RAB6B: variants seen among roughly 807,000 people sequenced by gnomAD.
The protein encoded by RAB6B is ras-related protein Rab-6B.
A neutral mutation model predicts 31.2 loss-of-function variants in RAB6B; 7 were observed. That is an observed-to-expected ratio of 0.22 (90% CI 0.13 to 0.42). The LOEUF (loss-of-function observed/expected upper bound fraction) is 0.42, where lower values mean the gene tolerates loss of function less well. Ranked by LOEUF, RAB6B falls within the 10% of genes least tolerant of loss-of-function variation. RAB6B has a pLI of 1.00. For missense variants in RAB6B, 149 were observed against 280.6 expected, an observed-to-expected ratio of 0.53 and a Z score of 3.35; for synonymous variants, 105 against 104.9, an observed-to-expected ratio of 1.00 and a Z score of -0.01.
rs1935850647 is a variant in RAB6B at position 133,842,534 on chromosome 3, G to T, written c.130-871C>A. 2.6e-5 allele frequency among the ~76,000 whole-genome samples: 4 copies of T among 152,296 alleles called. No homozygotes were observed. In the South Asian group the frequency reaches 8.3e-4, roughly 32 times the overall value. ...CACGGCACTAAATAAGCATAGTGTG[G>T]TATATCCATGTGATTAGAACCCTTG... On this transcript the variant is annotated intron_variant, in intron 2 of 7. Coordinates refer to ENST00000285208, the MANE Select transcript of RAB6B (RefSeq NM_016577.4).
intron 2 of RAB6B, among the ~76,000 whole-genome samples, chr3:133,856,779 C>A (rs1412108022): frequency 6.6e-6 from 1 of 152,068 alleles, no homozygotes; most frequent in Non-Finnish European, 1.5e-5. Context: ...TCTGCCGGGT[C>A]AATGTTCAGA....
intron 2 of RAB6B, among the ~76,000 whole-genome samples, chr3:133,843,627 T>C (rs1935867983): frequency 6.6e-6 from 1 of 152,232 alleles, no homozygotes; most frequent in Non-Finnish European, 1.5e-5. Flanking sequence ...GTAGTTTCCC[T>C]TTCTATAGTA....
rs115230302 is a variant in RAB6B at position 133,871,993 on chromosome 3, T to C, written c.71-7351A>G. Among the ~76,000 whole-genome samples the C allele has an allele frequency of 4.2e-3, 642 of 152,184 alleles. 5 individuals are homozygous for C. Among genetic ancestry groups the C allele is most frequent in the African/African-American group, 0.015 (611 of 41,522 alleles). ...GAGGAGAGGGCAGGCAGGACAGATGTGGCATAACTCACTGCCATTTCTAAG... is the reference window on the plus strand; with the variant it reads ...GAGGAGAGGGCAGGCAGGACAGATGCGGCATAACTCACTGCCATTTCTAAG... On this transcript the variant is annotated intron_variant, in intron 1 of 7. Coordinates refer to ENST00000285208, the MANE Select transcript of RAB6B (RefSeq NM_016577.4).
In RAB6B at chr3:133,830,685, C is replaced by T. The variant is rs78248941; in HGVS notation, c.563-1833G>A. Among the ~76,000 whole-genome samples the T allele has an allele frequency of 1.1e-3, 165 of 152,304 alleles. 3 individuals are homozygous for T. In the East Asian group the frequency reaches 0.029, roughly 27 times the overall value. Reference sequence around the variant, plus strand: ...CGTGCAGTGGGGAGTAAAAGAGCCACCTTCCAGCTGGGAAGCTGAGGTGCC... The same window carrying T: ...CGTGCAGTGGGGAGTAAAAGAGCCATCTTCCAGCTGGGAAGCTGAGGTGCC... On this transcript the variant is annotated intron_variant, in intron 7 of 7. Transcript: ENST00000285208.
intron 1 of RAB6B, among the ~76,000 whole-genome samples, chr3:133,876,228 A>G (rs1485930338): frequency 6.6e-6 from 1 of 152,174 alleles, no homozygotes; most frequent in African/African-American, 2.4e-5. Flanking sequence ...TGAGACTGAG[A>G]ATTCCCTCTG....
At chr3:133,843,801 GCTCCCTTTCC>G (rs1935869891) in intron 2 of RAB6B, among the ~76,000 whole-genome samples, 6 of 152,164 alleles carry the variant, frequency 3.9e-5, no homozygotes, top group African/African-American at 9.7e-5. Context: ...ACCCACAGCT[GCTCCCTTTCC>G]CACTGTCCGG....
intron 2 of RAB6B, among the ~76,000 whole-genome samples, chr3:133,860,489 G>A (rs1285640368): frequency 1.3e-5 from 2 of 152,192 alleles, no homozygotes; most frequent in African/African-American, 2.4e-5. Flanking sequence ...CTCCAGAACA[G>A]TAAGAAAATA....
At chr3:133,880,454 G>A (rs1383403449) in intron 1 of RAB6B, among the ~76,000 whole-genome samples, 1 of 152,188 alleles carries the variant, frequency 6.6e-6, no homozygotes, top group Non-Finnish European at 1.5e-5. Context: ...CTGTGGCCTC[G>A]CCATGAGACA....
Position 133,895,674 on chromosome 3 carries a change from G to T in RAB6B, c.-208C>A. The T allele has an allele frequency of 3.4e-6, 2 of 584,458 alleles. No homozygotes were observed. The highest frequency in any genetic ancestry group is 3.0e-6 in the Non-Finnish European group (1 of 333,956). 36.2% of individuals were successfully genotyped at this position (584,458 alleles called of 1,614,324 possible). A position where few individuals can be genotyped will look rare whatever the true frequency, so the allele number is the denominator to read the frequency against. On this transcript the variant is annotated 5_prime_UTR_variant, in exon 1 of 8. Transcript: ENST00000285208. ...CGGAGGAGGAGGAGGAGAGAGAGGC[G>T]GAGGCGGAGGAAGGCTGGGGCTGGG...
At chr3:133,862,710 T>TGGAG (rs1259751555) in intron 2 of RAB6B, among the ~76,000 whole-genome samples, 3 of 152,014 alleles carry the variant, frequency 2.0e-5, no homozygotes, top group African/African-American at 7.2e-5. Flanking sequence ...ACGCTGAACA[T>TGGAG]GGAGGTAGGG....
rs1935988173 is a variant in RAB6B at position 133,851,809 on chromosome 3, CTGA to C, written c.130-10149_130-10147del. Among the ~76,000 whole-genome samples, 5 of 152,318 alleles carry C rather than the reference CTGA, an allele frequency of 3.3e-5. No individual in the cohort carries two copies. In the South Asian group the frequency reaches 1.0e-3, roughly 32 times the overall value. ...TCACAGGAACTAATTTGCATCTTCT[CTGA>C]TGATAAATCATGGGCTTTGGGTGAT... On this transcript the variant is annotated intron_variant, in intron 2 of 7. Transcript: ENST00000285208.
At chr3:133,862,662 C>T (rs946071993) in intron 2 of RAB6B, among the ~76,000 whole-genome samples, 2 of 152,048 alleles carry the variant, frequency 1.3e-5, no homozygotes, top group African/African-American at 4.8e-5. Context: ...GTCGGCTGGA[C>T]CACAGGATGG....
At chr3:133,865,289 C>G (rs1936221755) in intron 1 of RAB6B, among the ~76,000 whole-genome samples, 1 of 152,248 alleles carries the variant, frequency 6.6e-6, no homozygotes, top group African/African-American at 2.4e-5. Flanking sequence ...CTCACTCACA[C>G]ATCTGCAAAT....
intron 7 of RAB6B, among the ~76,000 whole-genome samples, chr3:133,832,267 C>T (rs973546354): frequency 6.6e-6 from 1 of 152,070 alleles, no homozygotes; most frequent in African/African-American, 2.4e-5. Flanking sequence ...ATTTGGTGGC[C>T]CCTTGGCTCC....
At chr3:133,861,614 C>T (rs1177439477) in intron 2 of RAB6B, among the ~76,000 whole-genome samples, 2 of 152,238 alleles carry the variant, frequency 1.3e-5, no homozygotes, top group African/African-American at 4.8e-5. Context: ...GTCCTTCATG[C>T]CCTGGCTGAA....
chr3:133,852,556 G>A (rs1258156969), intron 2 of RAB6B, among the ~76,000 whole-genome samples: 6 of 149,298 alleles, frequency 4.0e-5, no homozygotes, highest in African/African-American at 2.5e-5. Context: ...CTGTAGCCTC[G>A]ACCTCCTTGG....
chr3:133,862,141 A>T (rs2108002367), intron 2 of RAB6B, among the ~76,000 whole-genome samples: 1 of 152,110 alleles, frequency 6.6e-6, no homozygotes, highest in African/African-American at 2.4e-5. Flanking sequence ...AAAAAAAAAA[A>T]AAGAGAAAGC....
At chr3:133,890,638 G>A (rs1051099052) in intron 1 of RAB6B, among the ~76,000 whole-genome samples, 3 of 152,120 alleles carry the variant, frequency 2.0e-5, no homozygotes, top group African/African-American at 7.2e-5. Context: ...CCTATTTCAA[G>A]CCACCTCAAC....
At chr3:133,830,715 T>A (rs755192583) in intron 7 of RAB6B, among the ~76,000 whole-genome samples, 3 of 152,166 alleles carry the variant, frequency 2.0e-5, no homozygotes, top group Non-Finnish European at 2.9e-5. Context: ...GGTGCCCAGG[T>A]ACAAACCCAA....
Sources: gnomAD v4.1 joint callset for allele counts (sites outside exome capture counted in the v4.1 genomes callset) on GRCh38, gnomAD v4.1.1 for gene constraint, MANE v1.5 for transcripts, NCBI Gene and HGNC (gene_info 2026-07-23, HGNC 2026-07-21) for gene names.